Variants in TMC6 observed in about 807,000 individuals in gnomAD.
The protein encoded by TMC6 is transmembrane channel-like protein 6.
In TMC6, 71 loss-of-function variants were observed where a neutral mutation model predicts 95.4. That is an observed-to-expected ratio of 0.74 (90% confidence interval 0.61 to 0.91). TMC6 has a LOEUF of 0.91. Ranked by LOEUF, TMC6 falls within the 40% of genes least tolerant of loss-of-function variation. The pLI is 0.00. For synonymous variants in TMC6, 514 were observed against 483.1 expected (o/e 1.06, Z -0.84); for missense variants, 1,074 against 1,079.1 (o/e 1.00, Z 0.07).
At chr17:78,117,748 A>T (rs751787550) in intron 16 of TMC6, 54 bp downstream of exon 16, 184 of 1,583,028 alleles carry the variant, frequency 1.2e-4, no homozygotes, top group Non-Finnish European at 1.5e-4. Context: ...CCCAGGCACC[A>T]CCACCCAACC....
chr17:78,120,278 G>C (rs2074346896), intron 13 of TMC6: 1 of 368,810 alleles, frequency 2.7e-6, no homozygotes. Context: ...TCATGCCTCT[G>C]CCTCCCGAGT....
chr17:78,121,541 C>T lies in TMC6; in HGVS notation c.1383+15G>A. 1.9e-6 allele frequency: 3 copies of T among 1,610,896 alleles called. No individual in the cohort carries two copies. The highest frequency in any genetic ancestry group is 2.5e-6 in the Non-Finnish European group (3 of 1,179,670). On this transcript the variant is annotated intron_variant, in intron 11 of 19. Coordinates refer to ENST00000590602, the MANE Select transcript of TMC6 (RefSeq NM_001127198.5). The surrounding 1 kb of genome is among the most constrained non-coding windows in gnomAD (Gnocchi z 5.6). ...CACGTTCCAAGCAAGGGCCAGGCTC[C>T]CCCCATCCCCGCACCTGGATCATGA...
intron 13 of TMC6, 142 bp downstream of exon 13, chr17:78,120,511 G>T: frequency 7.7e-7 from 1 of 1,299,504 alleles, no homozygotes; most frequent in Non-Finnish European, 1.1e-6. Context: ...AATGAGTTCG[G>T]TTCTATTTCC....
intron 18 of TMC6, among the ~76,000 whole-genome samples, chr17:78,116,760 C>A (rs114808981): frequency 6.6e-6 from 1 of 152,102 alleles, no homozygotes; most frequent in Non-Finnish European, 1.5e-5. Flanking sequence ...AGGCCCTGTA[C>A]TCCCAGCTAC....
In TMC6 at chr17:78,111,419, G is replaced by C. The variant is rs148747581; in HGVS notation, c.*1729C>G. On this transcript the variant is annotated 3_prime_UTR_variant, in exon 20 of 20. Transcript: ENST00000590602. ...GCACGTCCCCAGCCAGAGAGGGACC[G>C]TGATGGTTTGGAGGACAGCATCTGC... is the stretch of plus-strand genomic sequence containing the variant. The C allele has an allele frequency of 6.6e-6, 1 of 152,344 alleles. No individual in the cohort carries two copies. The highest frequency in any genetic ancestry group is 2.4e-5 in the African/African-American group (1 of 41,474). The allele number at this position is 152,344 out of a possible 1,614,324, so 9.4% of individuals were successfully genotyped here. A position where few individuals can be genotyped will look rare whatever the true frequency, so the allele number is the denominator to read the frequency against.
chr17:78,129,470 T>C (rs2145511456), upstream of TMC6, among the ~76,000 whole-genome samples: 1 of 152,240 alleles, frequency 6.6e-6, no homozygotes, highest in Admixed American at 6.5e-5. The surrounding 1 kb of genome is among the most constrained non-coding windows in gnomAD (Gnocchi z 4.3). Flanking sequence ...GTGGTCCACC[T>C]GGGAACTCTA....
chr17:78,113,823 G>C, intron 18 of TMC6, 199 bp from the exon 19 acceptor site: 1 of 617,600 alleles, frequency 1.6e-6, no homozygotes, highest in South Asian at 1.8e-5. Context: ...CGTATGTGTG[G>C]ATCTAAGCTT....
chr17:78,116,654 G>A (rs778094263), intron 18 of TMC6, among the ~76,000 whole-genome samples: 1 of 152,158 alleles, frequency 6.6e-6, no homozygotes, highest in Non-Finnish European at 1.5e-5. Flanking sequence ...GGGAGGCCAA[G>A]GTGGGTGGAT....
At position 78,128,302 on chromosome 17, in the gene TMC6, C is replaced by T. The variant is rs1375165939; in HGVS notation, c.-75+310G>A. Among the ~76,000 whole-genome samples the T allele has an allele frequency of 6.6e-6, 1 of 152,102 alleles. No individual in the cohort carries two copies. Among genetic ancestry groups the T allele is most frequent in the Non-Finnish European group, 1.5e-5 (1 of 67,982 alleles). On this transcript the variant is annotated intron_variant, in intron 1 of 19. Coordinates refer to ENST00000590602, the MANE Select transcript of TMC6 (RefSeq NM_001127198.5). This position sits in a 1 kb window ranked among gnomAD's most constrained non-coding sequence, Gnocchi z 4.0. The stretch of plus-strand genomic sequence containing the variant: ...CACCGAACCCGTCCAGCCGGCCTCC[C>T]TGTCCCCCGCCCCTTCCCATCCCGG...
In TMC6 at chr17:78,126,298, T is replaced by C. The variant is rs968613501; in HGVS notation, c.250A>G (p.Ser84Gly). The C allele has an allele frequency of 1.3e-6, 2 of 1,563,750 alleles. No individual in the cohort carries two copies. The highest frequency in any genetic ancestry group is 2.4e-5 in the East Asian group (1 of 42,180). The change falls in exon 4 of 20, where the codon AGC becomes GGC. Residue 84 changes from serine to glycine, a missense_variant. Coordinates refer to ENST00000590602, the MANE Select transcript of TMC6 (RefSeq NM_001127198.5). ...TCACCAATGGTGCGGCTGGGCATGC[T>C]GGCCAGGATGCGGAGTGTGGCCGTG... ...QSTATLRILA[S>G]MPSRTIGRSR...
At chr17:78,126,158 T>C in intron 4 of TMC6, 119 bp downstream of exon 4, 1 of 1,403,016 alleles carries the variant, frequency 7.1e-7, no homozygotes, top group East Asian at 2.5e-5. Flanking sequence ...TGGGCCTGGC[T>C]CTGAGCTACG....
upstream of TMC6, chr17:78,131,476 C>CTCTGTG: frequency 6.9e-7 from 1 of 1,451,978 alleles, no homozygotes; most frequent in Admixed American, 2.0e-5. Context: ...GGGCCCGCCC[C>CTCTGTG]CAGCCCAGCG....
At position 78,109,599 on chromosome 17, in the gene TMC6, C is replaced by T. The variant is rs2073784110; in HGVS notation, c.*3549G>A. On this transcript the variant is annotated 3_prime_UTR_variant, in exon 20 of 20. Coordinates refer to ENST00000590602, the MANE Select transcript of TMC6 (RefSeq NM_001127198.5). ...TGAGCTGTGATCGTGCCACTGTGCT[C>T]CGGGATGGGCAACAGAAAGACCCCA... 4.4e-6 allele frequency: 2 copies of T among 454,744 alleles called. No individual in the cohort carries two copies. The highest frequency in any genetic ancestry group is 2.0e-5 in the African/African-American group (1 of 49,976). 28.2% of individuals were successfully genotyped at this position (454,744 alleles called of 1,614,324 possible).
At chr17:78,131,302 CTG>C, upstream of TMC6, 1 of 551,762 alleles carries the variant, frequency 1.8e-6, no homozygotes. Flanking sequence ...GAGGCCGTGG[CTG>C]TGTGTCCCTC....
In TMC6 at chr17:78,107,624, A is replaced by C. The variant is rs552845902; in HGVS notation, c.*5524T>G. ...CTCAGATTTTCCATTGTTTTGCTTT[A>C]TTCTATCATTTGCTTTGTGGTTTTG... On this transcript the variant is annotated 3_prime_UTR_variant, in exon 20 of 20. Transcript: ENST00000590602. The C allele has an allele frequency of 6.6e-6, 1 of 152,290 alleles. No individual in the cohort carries two copies. Among genetic ancestry groups the C allele is most frequent in the South Asian group, 2.1e-4 (1 of 4,830 alleles). 9.4% of individuals were successfully genotyped at this position (152,290 alleles called of 1,614,324 possible).
Position 78,117,595 on chromosome 17 carries a change from A to C in TMC6, c.2071T>G (p.Tyr691Asp). 2 of 1,583,940 alleles carry C rather than the reference A, an allele frequency of 1.3e-6. No homozygotes were observed. The highest frequency in any genetic ancestry group is 1.7e-6 in the Non-Finnish European group (2 of 1,166,624). ...CGCACCCACACCCTGCCGGCCTCGTACATGGTGTCCAGGGTCCGGAAGGGG... is the reference window on the plus strand; with the variant it reads ...CGCACCCACACCCTGCCGGCCTCGTCCATGGTGTCCAGGGTCCGGAAGGGG... ...CGPFRTLDTM[Y>D]EAGRVWVRHL... Residue 691 changes from tyrosine (Y) to aspartate (D), a missense_variant, in exon 17 of 20, where the codon TAC (tyrosine) becomes GAC (aspartate). Tyr to Asp is a radical substitution (Grantham distance 160). Coordinates refer to ENST00000590602, the MANE Select transcript of TMC6 (RefSeq NM_001127198.5).
In TMC6 at chr17:78,122,048, T is replaced by A. The variant is rs2074440863; in HGVS notation, c.1228-337A>T. 6.6e-6 allele frequency among the ~76,000 whole-genome samples: 1 copy of A among 152,032 alleles called. No individual in the cohort carries two copies. Among genetic ancestry groups the A allele is most frequent in the Non-Finnish European group, 1.5e-5 (1 of 68,000 alleles). ...CTTTCCTGTTCCCTGTGGATGTGGG[T>A]GGCCCCCAGTGACCAGAAGCCCCCC... On this transcript the variant is annotated intron_variant, in intron 10 of 19. Coordinates refer to ENST00000590602, the MANE Select transcript of TMC6 (RefSeq NM_001127198.5). The surrounding 1 kb of genome is among the most constrained non-coding windows in gnomAD (Gnocchi z 4.9).
In TMC6 at chr17:78,124,013, A is replaced by G. The variant is rs568367443; in HGVS notation, c.1058T>C (p.Ile353Thr). Residue 353 changes from isoleucine to threonine, a missense_variant, in exon 9 of 20, where the codon ATC becomes ACC. By Grantham distance (89) the Ile-to-Thr change is moderately conservative. Transcript: ENST00000590602. ...CCTGTACACCAGGGTGATGCAGGTG[A>G]TAAAGAAGCTCACGCCCACAGTGGA... is the stretch of plus-strand genomic sequence containing the variant. ...YLSTVGVSFF[I>T]TCITLVYSMA... 6.2e-7 allele frequency: 1 copy of G among 1,613,820 alleles called. No individual in the cohort carries two copies. Among genetic ancestry groups the G allele is most frequent in the African/African-American group, 1.3e-5 (1 of 75,020 alleles).
intron 1 of TMC6, among the ~76,000 whole-genome samples, chr17:78,127,336 C>T (rs1568005156): frequency 6.6e-6 from 1 of 152,174 alleles, no homozygotes; most frequent in East Asian, 1.9e-4. Flanking sequence ...CAAAGAACTT[C>T]CTCTAGCAGG....
Sources: allele counts gnomAD v4.1 joint callset (sites outside exome capture counted in the v4.1 genomes callset), GRCh38; gene constraint gnomAD v4.1.1; non-coding constraint Gnocchi (gnomAD v3.1); transcripts MANE v1.5; gene names NCBI Gene and HGNC (gene_info 2026-07-23, HGNC 2026-07-21).